Variants in AP1S3 observed in about 807,000 individuals in gnomAD.
AP1S3 encodes AP-1 complex subunit sigma-3.
In AP1S3, 10 loss-of-function variants were observed where a neutral mutation model predicts 20.9. That is an observed-to-expected ratio of 0.48 (90% CI 0.29 to 0.81). The LOEUF (loss-of-function observed/expected upper bound fraction) is 0.81. Ranked by LOEUF, AP1S3 falls within the 30% of genes least tolerant of loss-of-function variation. The pLI is 0.08. For missense variants in AP1S3, 154 were observed against 183.8 expected (o/e 0.84, Z 0.94); for synonymous variants, 41 against 61.5 (o/e 0.67, Z 1.56).
chr2:223,786,912 C>CAA (rs1297552131), intron 1 of AP1S3, among the ~76,000 whole-genome samples: 1 of 146,504 alleles, frequency 6.8e-6, no homozygotes. Context: ...CTCAAAAAAA[C>CAA]AAAAAAAAAA....
intron 1 of AP1S3, among the ~76,000 whole-genome samples, chr2:223,808,632 A>G (rs1251192416): frequency 2.0e-5 from 3 of 152,258 alleles, no homozygotes; most frequent in Non-Finnish European, 4.4e-5. Flanking sequence ...CTAATGCACT[A>G]GAAAACAATC....
chr2:223,805,909 CCATTCCTAACACTAATT>C, intron 1 of AP1S3, among the ~76,000 whole-genome samples: 1 of 152,150 alleles, frequency 6.6e-6, no homozygotes, highest in Non-Finnish European at 1.5e-5. Flanking sequence ...CCAGAAACCT[CCATTCCTAACACTAATT>C]GGCCAACTGC....
Position 223,755,990 on chromosome 2 carries a change from C to A in AP1S3, c.*2725G>T. ...ATATGGTGACAAATTTCAAAAGAACCGGAAAAACTATGATGGATTTACATG... is the reference window on the plus strand; with the variant it reads ...ATATGGTGACAAATTTCAAAAGAACAGGAAAAACTATGATGGATTTACATG... On this transcript the variant is annotated 3_prime_UTR_variant, in exon 5 of 5. Transcript: ENST00000396654. The A allele has an allele frequency of 8.1e-6, 8 of 985,312 alleles. 1 individual carries two copies. The highest frequency in any genetic ancestry group is 9.6e-6 in the Non-Finnish European group (8 of 829,922). The allele number at this position is 985,312 out of a possible 1,614,324, so 61.0% of individuals were successfully genotyped here. A position where few individuals can be genotyped will look rare whatever the true frequency, so the allele number is the denominator to read the frequency against.
intron 1 of AP1S3, among the ~76,000 whole-genome samples, chr2:223,816,493 G>A (rs906400743): frequency 6.6e-6 from 1 of 152,148 alleles, no homozygotes; most frequent in African/African-American, 2.4e-5. Context: ...TAACAATCAC[G>A]AGAACCAACA....
chr2:223,769,866 T>C (rs1254036132), intron 3 of AP1S3, among the ~76,000 whole-genome samples: 1 of 144,014 alleles, frequency 6.9e-6, no homozygotes, highest in Non-Finnish European at 1.5e-5. Context: ...TGCCTCAGCC[T>C]CCCGAGTAGC....
intron 1 of AP1S3, among the ~76,000 whole-genome samples, chr2:223,791,215 CACA>C (rs975005304): frequency 1.3e-4 from 20 of 152,058 alleles, no homozygotes; most frequent in African/African-American, 4.3e-4. Flanking sequence ...CTGGCAGAGA[CACA>C]ACAACAACAA....
chr2:223,772,799 C>G (rs575878666), intron 3 of AP1S3, among the ~76,000 whole-genome samples: 1 of 152,144 alleles, frequency 6.6e-6, no homozygotes, highest in African/African-American at 2.4e-5. Flanking sequence ...TCAAGGAAAG[C>G]TTTAGTATTA....
At chr2:223,835,356 A>G (rs141508498) in intron 1 of AP1S3, among the ~76,000 whole-genome samples, 3 of 152,370 alleles carry the variant, frequency 2.0e-5, no homozygotes, top group South Asian at 2.1e-4. Context: ...ACAAATGCCC[A>G]ATAACATTAA....
intron 1 of AP1S3, among the ~76,000 whole-genome samples, chr2:223,801,070 A>G (rs1411194044): frequency 6.6e-6 from 1 of 151,930 alleles, no homozygotes; most frequent in Non-Finnish European, 1.5e-5. Context: ...AATAATTATA[A>G]CCAGAGAAGT....
At position 223,764,719 on chromosome 2, in the gene AP1S3, T is replaced by C. The variant is rs141611649; in HGVS notation, c.429+494A>G. On this transcript the variant is annotated intron_variant, in intron 4 of 4. Transcript: ENST00000396654. ...GCTTTAATATCTCTGGCAAACAAAA[T>C]AACAATGTACTGCTATTCTCCTTTC... Among the ~76,000 whole-genome samples, 93 of 152,280 alleles carry C rather than the reference T, an allele frequency of 6.1e-4. 1 individual carries two copies. Among genetic ancestry groups the C allele is most frequent in the African/African-American group, 2.0e-3 (84 of 41,572 alleles).
chr2:223,798,858 G>T (rs1369671792), intron 1 of AP1S3, among the ~76,000 whole-genome samples: 2 of 152,164 alleles, frequency 1.3e-5, no homozygotes, highest in African/African-American at 4.8e-5. Flanking sequence ...GATCACCTGA[G>T]GTCCGGAGTT....
At chr2:223,825,926 G>A (rs10933020) in intron 1 of AP1S3, among the ~76,000 whole-genome samples, 73,495 of 151,922 alleles carry the variant, frequency 0.48, 17,859 homozygotes, top group Middle Eastern at 0.57. Context: ...CTAAGGTGGG[G>A]GGATCACTTG....
In AP1S3 at chr2:223,837,581, A is replaced by G. The variant is rs956275821; in HGVS notation, c.-131T>C. 3 of 507,712 alleles carry G rather than the reference A, an allele frequency of 5.9e-6. No homozygotes were observed. The highest frequency in any genetic ancestry group is 3.6e-5 in the East Asian group (1 of 27,406). 31.5% of individuals were successfully genotyped at this position (507,712 alleles called of 1,614,324 possible). A position where few individuals can be genotyped will look rare whatever the true frequency, so the allele number is the denominator to read the frequency against. ...GCTTAGACCATGGCTGCTTCCCACA[A>G]TGCCCTGGCACTGAAAGTGTGCAGA... is the stretch of plus-strand genomic sequence containing the variant. On this transcript the variant is annotated 5_prime_UTR_variant, in exon 1 of 5. Coordinates refer to ENST00000396654, the MANE Select transcript of AP1S3 (RefSeq NM_001039569.2).
intron 1 of AP1S3, among the ~76,000 whole-genome samples, chr2:223,825,047 C>T (rs1242782526): frequency 6.6e-6 from 1 of 151,820 alleles, no homozygotes; most frequent in Non-Finnish European, 1.5e-5. Flanking sequence ...CGGTGGCTCA[C>T]GCCTGTAATC....
intron 4 of AP1S3, among the ~76,000 whole-genome samples, chr2:223,759,881 G>A (rs1454517064): frequency 6.6e-6 from 1 of 152,050 alleles, no homozygotes; most frequent in African/African-American, 2.4e-5. Flanking sequence ...TTGGTTTTCT[G>A]TCCCTGCACT....
rs561684358 is a variant in AP1S3 at position 223,835,005 on chromosome 2, T to G, written c.3+2443A>C. Among the ~76,000 whole-genome samples the G allele has an allele frequency of 6.0e-5, 6 of 99,360 alleles. No homozygotes were observed. In the South Asian group the frequency reaches 1.2e-3, roughly 19 times the overall value. The allele number at this position is 99,360 out of a possible 152,430, so 65.2% of individuals were successfully genotyped here. ...ATGTAGACACAAGAAAACTTCACTG[T>G]AGTCTTGTGAGAATGAGAATGAAAT... On this transcript the variant is annotated intron_variant, in intron 1 of 4. Transcript: ENST00000396654.
chr2:223,758,893 T>A, intron 4 of AP1S3, 143 bp from the exon 5 acceptor site: 1 of 697,540 alleles, frequency 1.4e-6, no homozygotes. Flanking sequence ...AATCTTTGCA[T>A]TCTAATCAAA....
intron 3 of AP1S3, among the ~76,000 whole-genome samples, chr2:223,766,847 A>G (rs888427843): frequency 6.6e-6 from 1 of 152,228 alleles, no homozygotes; most frequent in African/African-American, 2.4e-5. Flanking sequence ...AATGTGGGAC[A>G]TATACACCAT....
At chr2:223,768,898 T>C (rs552196712) in intron 3 of AP1S3, among the ~76,000 whole-genome samples, 14 of 152,120 alleles carry the variant, frequency 9.2e-5, no homozygotes, top group Non-Finnish European at 1.6e-4. Flanking sequence ...TCTAATATGC[T>C]AGAGATTAAT....
Sources: allele counts gnomAD v4.1 joint callset (sites outside exome capture counted in the v4.1 genomes callset), GRCh38; gene constraint gnomAD v4.1.1; transcripts MANE v1.5; gene names NCBI Gene and HGNC (gene_info 2026-07-23, HGNC 2026-07-21).